Variants in SYT14 observed in about 807,000 individuals in gnomAD.
The protein encoded by SYT14 is synaptotagmin 14, also known as synaptotagmin-14.
Under a neutral mutation model 74.2 loss-of-function variants are expected in SYT14, and 32 were observed. That is an observed-to-expected ratio of 0.43 (90% CI 0.33 to 0.58). The LOEUF (loss-of-function observed/expected upper bound fraction) is 0.58. Ranked by LOEUF, SYT14 falls within the 20% of genes least tolerant of loss-of-function variation. The probability of loss-of-function intolerance (pLI) is 0.05; values close to 1 mark genes in which losing one functional copy is unlikely to be tolerated. For missense variants in SYT14, 791 were observed against 981.8 expected, an observed-to-expected ratio of 0.81 and a Z score of 2.60; for synonymous variants, 298 against 337.7, an observed-to-expected ratio of 0.88 and a Z score of 1.29.
chr1:209,960,195 T>G (rs1360719530), intron 2 of SYT14, among the ~76,000 whole-genome samples: 1 of 152,196 alleles, frequency 6.6e-6, no homozygotes, highest in Non-Finnish European at 1.5e-5. Context: ...GGCCTATTAG[T>G]ATTTTTATAT....
intron 2 of SYT14, among the ~76,000 whole-genome samples, chr1:209,999,214 C>T (rs766664258): frequency 8.5e-5 from 13 of 152,096 alleles, no homozygotes; most frequent in Non-Finnish European, 1.8e-4. Flanking sequence ...TATCATCTTA[C>T]ACCAGTTAAA....
rs991853771 is a variant in SYT14, at chr1:210,097,042, C to T, written c.1584+2449C>T. ...GTAACCACTTCTTTGGAATTTCCTC[C>T]GTCCTGCTTATTTTTGTGTCTTCTG... On this transcript the variant is annotated intron_variant, in intron 6 of 9. Coordinates refer to ENST00000637265, the Ensembl canonical transcript of SYT14. 3.3e-5 allele frequency among the ~76,000 whole-genome samples: 5 copies of T among 152,280 alleles called. No individual in the cohort carries two copies. In the East Asian group the frequency reaches 5.8e-4, roughly 18 times the overall value.
At chr1:210,100,245 C>A in exon 7 of SYT14, 4 of 1,614,060 alleles carry the variant, frequency 2.5e-6, no homozygotes, top group Non-Finnish European at 3.4e-6. Context: ...AAACCAGCAT[C>A]CAGAGAGGAC....
At chr1:210,133,602 T>C (rs1473849316) in intron 7 of SYT14, among the ~76,000 whole-genome samples, 10 of 152,148 alleles carry the variant, frequency 6.6e-5, no homozygotes. Context: ...TTGCCTCCCA[T>C]ATTTTATTAA....
At chr1:210,017,197 G>A (rs1053597631) in intron 4 of SYT14, 22 of 822,638 alleles carry the variant, frequency 2.7e-5, no homozygotes, top group Middle Eastern at 4.2e-4. Context: ...TCCTGTTCAT[G>A]TGTCTATATT....
chr1:210,092,860 A>T (rs1054504757), intron 5 of SYT14, among the ~76,000 whole-genome samples: 1 of 152,228 alleles, frequency 6.6e-6, no homozygotes. Context: ...CCCACACAAT[A>T]TAGTATTACA....
chr1:209,997,084 C>A (rs227180), intron 2 of SYT14, among the ~76,000 whole-genome samples: 133,793 of 151,912 alleles, frequency 0.88, 59,284 homozygotes, highest in African/African-American at 0.97. Context: ...TAACACTCTT[C>A]TTCAACACAG....
intron 2 of SYT14, among the ~76,000 whole-genome samples, chr1:209,965,575 G>A (rs1377726233): frequency 2.6e-5 from 4 of 152,138 alleles, no homozygotes; most frequent in Non-Finnish European, 4.4e-5. Context: ...GCATATACCC[G>A]GTAATGAGAT....
chr1:210,100,792 A>T (rs1209888716), intron 7 of SYT14, among the ~76,000 whole-genome samples: 18 of 151,682 alleles, frequency 1.2e-4, no homozygotes, highest in Non-Finnish European at 4.4e-5. Context: ...AGAATTTATT[A>T]TTTTTTTTCC....
chr1:210,138,196 A>G (rs1217082755), intron 7 of SYT14, among the ~76,000 whole-genome samples: 2 of 152,200 alleles, frequency 1.3e-5, no homozygotes, highest in East Asian at 3.9e-4. Context: ...AAGTCTCACA[A>G]CCATGGTGGA....
At chr1:210,056,187 A>G (rs1218858975) in intron 5 of SYT14, among the ~76,000 whole-genome samples, 1 of 152,116 alleles carries the variant, frequency 6.6e-6, no homozygotes, top group Non-Finnish European at 1.5e-5. Context: ...ACTCAACTAA[A>G]TATTTCCAAC....
At chr1:209,946,474 G>A (rs1399966863) in intron 1 of SYT14, among the ~76,000 whole-genome samples, 1 of 152,230 alleles carries the variant, frequency 6.6e-6, no homozygotes, top group Non-Finnish European at 1.5e-5. Flanking sequence ...CTGGATGGCA[G>A]ATCAAACCAG....
chr1:210,026,772 T>C (rs569267167), intron 5 of SYT14, among the ~76,000 whole-genome samples: 2 of 141,362 alleles, frequency 1.4e-5, no homozygotes, highest in African/African-American at 5.6e-5. Context: ...TTTGCTTTTA[T>C]AATAATTTAA....
At chr1:210,065,890 C>A (rs1447336005) in intron 5 of SYT14, among the ~76,000 whole-genome samples, 1 of 150,186 alleles carries the variant, frequency 6.7e-6, no homozygotes, top group Non-Finnish European at 1.5e-5. Flanking sequence ...CCCCACCCCA[C>A]AACAGTCCCC....
At chr1:210,077,324 T>A (rs2081521371) in intron 5 of SYT14, among the ~76,000 whole-genome samples, 1 of 152,092 alleles carries the variant, frequency 6.6e-6, no homozygotes, top group African/African-American at 2.4e-5. Context: ...CCCCGAGCCG[T>A]GAGGGATCCA....
exon 10 of SYT14, chr1:210,170,683 T>C (rs1160543771): frequency 2.6e-5 from 4 of 152,106 alleles, no homozygotes; most frequent in African/African-American, 7.2e-5. Flanking sequence ...TTCTTGTCAT[T>C]GACAAATAAA....
intron 5 of SYT14, among the ~76,000 whole-genome samples, chr1:210,078,524 A>G (rs781285326): frequency 1.3e-5 from 2 of 152,008 alleles, no homozygotes; most frequent in Non-Finnish European, 2.9e-5. Context: ...CATACTAAGA[A>G]TATTACTTAA....
intron 7 of SYT14, among the ~76,000 whole-genome samples, chr1:210,146,745 C>T (rs1408786319): frequency 6.6e-6 from 1 of 150,880 alleles, no homozygotes; most frequent in Non-Finnish European, 1.5e-5. Context: ...ATGTATACTA[C>T]ATACTATATG....
At chr1:210,101,697 G>T (rs2082069627) in intron 7 of SYT14, among the ~76,000 whole-genome samples, 1 of 151,148 alleles carries the variant, frequency 6.6e-6, no homozygotes, top group African/African-American at 2.4e-5. Flanking sequence ...TTCGGAGGGG[G>T]GAAGAACGAA....
Sources: allele counts gnomAD v4.1 joint callset (sites outside exome capture counted in the v4.1 genomes callset), GRCh38; gene constraint gnomAD v4.1.1; transcripts MANE v1.5; gene names NCBI Gene and HGNC (gene_info 2026-07-23, HGNC 2026-07-21).